HMBOX1: variants seen among roughly 807,000 people sequenced by gnomAD.
HMBOX1 encodes the protein homeobox-containing protein 1.
In HMBOX1, 14 loss-of-function variants were observed where a neutral mutation model predicts 54.5. The observed-to-expected ratio is 0.26, with a 90% CI of 0.17 to 0.40. HMBOX1 has a LOEUF of 0.40. HMBOX1 is among the 10% of genes least tolerant of loss of function. The pLI is 1.00. For missense variants in HMBOX1, 332 were observed against 514.4 expected, an observed-to-expected ratio of 0.65 and a Z score of 3.43; for synonymous variants, 160 against 181.0, an observed-to-expected ratio of 0.88 and a Z score of 0.93.
At chr8:28,960,259 A>G (rs938863821) in intron 1 of HMBOX1, among the ~76,000 whole-genome samples, 2 of 143,172 alleles carry the variant, frequency 1.4e-5, no homozygotes, top group Non-Finnish European at 2.9e-5. Context: ...GTTATGAAGA[A>G]CAATCCTCTT....
At chr8:28,940,655 A>G (rs948093879) in intron 1 of HMBOX1, among the ~76,000 whole-genome samples, 1 of 152,228 alleles carries the variant, frequency 6.6e-6, no homozygotes, top group African/African-American at 2.4e-5. Flanking sequence ...TGGACAAGCA[A>G]TGGACCAGGA....
chr8:28,983,433 T>C (rs1488788668), intron 4 of HMBOX1, among the ~76,000 whole-genome samples: 3 of 152,240 alleles, frequency 2.0e-5, no homozygotes, highest in African/African-American at 7.2e-5. Context: ...TATGAATTTC[T>C]GTTTATCAAG....
At chr8:29,036,287 G>A (rs1406972090) in intron 6 of HMBOX1, among the ~76,000 whole-genome samples, 1 of 152,092 alleles carries the variant, frequency 6.6e-6, no homozygotes, top group Non-Finnish European at 1.5e-5. Context: ...CTCATGTATG[G>A]ATTTTTTTTC....
chr8:28,956,932 A>T (rs1271410201), intron 1 of HMBOX1, among the ~76,000 whole-genome samples: 1 of 152,208 alleles, frequency 6.6e-6, no homozygotes. Context: ...AATCAAAACC[A>T]CAGTGAGATA....
intron 5 of HMBOX1, among the ~76,000 whole-genome samples, chr8:29,011,185 A>G (rs1409006797): frequency 6.6e-6 from 1 of 152,250 alleles, no homozygotes; most frequent in Non-Finnish European, 1.5e-5. Flanking sequence ...TCACTTAAAA[A>G]ATTCTTTCAC....
intron 4 of HMBOX1, 31 bp from the exon 5 acceptor site, chr8:29,009,041 C>T (rs777274576): frequency 6.7e-6 from 10 of 1,498,482 alleles, no homozygotes; most frequent in South Asian, 2.3e-5. Flanking sequence ...AATTTCAGTG[C>T]CCCCCAAAAC....
At chr8:28,979,534 G>A (rs948160939) in intron 3 of HMBOX1, among the ~76,000 whole-genome samples, 6 of 152,230 alleles carry the variant, frequency 3.9e-5, no homozygotes, top group African/African-American at 1.2e-4. Flanking sequence ...AAGTTAAAGA[G>A]CAAGCCTTTC....
chr8:28,902,531 A>G (rs1813426525), intron 1 of HMBOX1, among the ~76,000 whole-genome samples: 1 of 152,158 alleles, frequency 6.6e-6, no homozygotes, highest in Non-Finnish European at 1.5e-5. Context: ...CATCTGAGCT[A>G]GCTTACTCAT....
At chr8:28,957,040 C>T (rs1345576492) in intron 1 of HMBOX1, among the ~76,000 whole-genome samples, 3 of 152,114 alleles carry the variant, frequency 2.0e-5, no homozygotes, top group African/African-American at 7.2e-5. Context: ...CCTCAAAGAA[C>T]CAACAATGGC....
At chr8:28,940,961 A>G (rs987378799) in intron 1 of HMBOX1, among the ~76,000 whole-genome samples, 2 of 152,176 alleles carry the variant, frequency 1.3e-5, no homozygotes, top group Non-Finnish European at 2.9e-5. Flanking sequence ...AACCTATAGG[A>G]GTTGTATTTC....
intron 9 of HMBOX1, among the ~76,000 whole-genome samples, chr8:29,049,857 C>CT (rs1483098636): frequency 2.0e-5 from 3 of 152,174 alleles, no homozygotes; most frequent in Non-Finnish European, 4.4e-5. Flanking sequence ...GGGGTCTGTG[C>CT]TTTTTTCTTG....
intron 2 of HMBOX1, among the ~76,000 whole-genome samples, chr8:28,967,507 A>G (rs1309477063): frequency 6.6e-6 from 1 of 152,178 alleles, no homozygotes; most frequent in Non-Finnish European, 1.5e-5. Flanking sequence ...TGCTCCATAC[A>G]AGGAATGGTT....
intron 4 of HMBOX1, 108 bp from the exon 5 acceptor site, chr8:29,008,963 TG>T: frequency 1.3e-6 from 1 of 741,782 alleles, no homozygotes; most frequent in Non-Finnish European, 2.3e-6. Flanking sequence ...AACTTCCTTA[TG>T]GACTGGACAC....
chr8:28,895,737 T>C (rs1259820351), intron 1 of HMBOX1, among the ~76,000 whole-genome samples: 1 of 152,136 alleles, frequency 6.6e-6, no homozygotes, highest in Admixed American at 6.5e-5. Context: ...GGCTTGTGTG[T>C]AGTCAGTCAA....
At chr8:28,892,372 A>G (rs1811182267) in intron 1 of HMBOX1, among the ~76,000 whole-genome samples, 1 of 152,192 alleles carries the variant, frequency 6.6e-6, no homozygotes, top group South Asian at 2.1e-4. Context: ...CACAGTTTTT[A>G]ATATTTAATA....
In HMBOX1 at chr8:29,009,172, G is replaced by A; in HGVS notation, c.687G>A (p.Lys229=). 4 of 1,609,990 alleles carry A rather than the reference G, an allele frequency of 2.5e-6. No homozygotes were observed. The highest frequency in any genetic ancestry group is 3.4e-6 in the Non-Finnish European group (4 of 1,176,418). ...TTTACCGATGGTATCAACTTGAGAA[G>A]ACAAACCCTGGTAAATAGCATTTCC... ...RAFYRWYQLE[K]TNPGATLSMR... The change falls in exon 5 of 10, where the codon AAG becomes AAA. Residue 229 remains lysine (K), a synonymous_variant. Coordinates refer to ENST00000287701, the MANE Select transcript of HMBOX1 (RefSeq NM_001135726.3).
intron 1 of HMBOX1, among the ~76,000 whole-genome samples, chr8:28,922,241 A>G (rs925603305): frequency 6.6e-6 from 1 of 152,224 alleles, no homozygotes; most frequent in Admixed American, 6.5e-5. Context: ...ATTAGATAGT[A>G]TAAGTAATCT....
intron 4 of HMBOX1, among the ~76,000 whole-genome samples, chr8:29,006,283 G>A (rs1248207684): frequency 6.6e-6 from 1 of 152,098 alleles, no homozygotes; most frequent in Non-Finnish European, 1.5e-5. Flanking sequence ...GTGAGCCACT[G>A]CGCCTGGCCG....
intron 1 of HMBOX1, among the ~76,000 whole-genome samples, chr8:28,910,664 T>C (rs919220704): frequency 1.3e-5 from 2 of 152,240 alleles, no homozygotes; most frequent in Non-Finnish European, 2.9e-5. Context: ...GCAATTCATA[T>C]ATCTTTTTTG....
Sources: gnomAD v4.1 joint callset for allele counts (sites outside exome capture counted in the v4.1 genomes callset) on GRCh38, gnomAD v4.1.1 for gene constraint, MANE v1.5 for transcripts, NCBI Gene and HGNC (gene_info 2026-07-23, HGNC 2026-07-21) for gene names.